CD247: variants seen among roughly 807,000 people sequenced by gnomAD.
The protein encoded by CD247 is CD247 molecule.
A neutral mutation model predicts 30.0 loss-of-function variants in CD247; 13 were observed. The ratio of observed to expected loss-of-function variants is 0.43; its 90% CI spans 0.28 to 0.69. CD247 has a LOEUF of 0.69. CD247 is among the 30% of genes least tolerant of loss of function. The pLI is 0.16. For missense variants in CD247, 193 were observed against 212.6 expected (o/e 0.91, Z 0.57); for synonymous variants, 72 against 80.0 (o/e 0.90, Z 0.53).
At chr1:167,454,603 A>G (rs1413181710) in intron 1 of CD247, among the ~76,000 whole-genome samples, 3 of 152,264 alleles carry the variant, frequency 2.0e-5, no homozygotes, top group African/African-American at 4.8e-5. Context: ...TATTTGGTGA[A>G]TATGGTTACA....
intron 5 of CD247, 36 bp downstream of exon 5, chr1:167,435,363 C>T (rs1651496724): frequency 6.4e-7 from 1 of 1,566,766 alleles, no homozygotes; most frequent in African/African-American, 1.4e-5. Context: ...CTTCCTCCAA[C>T]TTTCCAAGGT....
intron 1 of CD247, among the ~76,000 whole-genome samples, chr1:167,497,991 A>G (rs759855276): frequency 4.6e-5 from 7 of 152,130 alleles, no homozygotes; most frequent in Non-Finnish European, 8.8e-5. Context: ...TAGTTTACTG[A>G]GGGTCTAGAC....
In CD247 at chr1:167,494,795, G is replaced by A. The variant is rs1654613372; in HGVS notation, c.58+23613C>T. ...GTCTCATCAAAAACCAAGCATGAGAGGCAAGACAATTATTACCTCAGATCA... is the reference window on the plus strand; with the variant it reads ...GTCTCATCAAAAACCAAGCATGAGAAGCAAGACAATTATTACCTCAGATCA... On this transcript the variant is annotated intron_variant, in intron 1 of 7. Coordinates refer to ENST00000362089, the MANE Select transcript of CD247 (RefSeq NM_198053.3). This position sits in a 1 kb window ranked among gnomAD's most constrained non-coding sequence, Gnocchi z 7.3. Among the ~76,000 whole-genome samples, 1 of 152,150 alleles carries A rather than the reference G, an allele frequency of 6.6e-6. No individual in the cohort carries two copies. Among genetic ancestry groups the A allele is most frequent in the African/African-American group, 2.4e-5 (1 of 41,412 alleles).
At chr1:167,514,405 C>A (rs1396205915) in intron 1 of CD247, among the ~76,000 whole-genome samples, 1 of 152,162 alleles carries the variant, frequency 6.6e-6, no homozygotes, top group Non-Finnish European at 1.5e-5. Context: ...TCCCAGAGTG[C>A]ATTCAACAAT....
At position 167,439,852 on chromosome 1, in the gene CD247, C is replaced by A. The variant is rs149037803; in HGVS notation, c.163-452G>T. ...TACTGTACGTGCATCACTCGCCCAGCCCTCAGCCATCGCCCGGCTGCCCCG... is the reference window on the plus strand; with the variant it reads ...TACTGTACGTGCATCACTCGCCCAGACCTCAGCCATCGCCCGGCTGCCCCG... On this transcript the variant is annotated intron_variant, in intron 2 of 7. Coordinates refer to ENST00000362089, the MANE Select transcript of CD247 (RefSeq NM_198053.3). 5.2e-3 allele frequency: 912 copies of A among 175,766 alleles called. 5 individuals are homozygous for A. Among genetic ancestry groups the A allele is most frequent in the Non-Finnish European group, 7.4e-3 (604 of 81,958 alleles). The allele number at this position is 175,766 out of a possible 1,614,324, so 10.9% of individuals were successfully genotyped here.
chr1:167,518,370 T>C, intron 1 of CD247, 38 bp downstream of exon 1: 1 of 1,606,280 alleles, frequency 6.2e-7, no homozygotes, highest in East Asian at 2.2e-5. Flanking sequence ...ACACAAAGAG[T>C]TTCTAGAAGT....
chr1:167,448,189 G>A (rs1652183278), intron 1 of CD247, among the ~76,000 whole-genome samples: 1 of 152,212 alleles, frequency 6.6e-6, no homozygotes, highest in African/African-American at 2.4e-5. Flanking sequence ...ACACGTGTGA[G>A]TTTTCTCATT....
At position 167,518,407 on chromosome 1, in the gene CD247, C is replaced by T. The variant is rs1398543069; in HGVS notation, c.58+1G>A. 1 of 1,614,164 alleles carries T rather than the reference C, an allele frequency of 6.2e-7. No individual in the cohort carries two copies. The highest frequency in any genetic ancestry group is 1.1e-5 in the South Asian group (1 of 91,086). Reference sequence around the variant, plus strand: ...CCCTGCCGTCGACACGTCGGCCCTACCTGTAATCGGCAACTGTGCCTGCAG... The same window carrying T: ...CCCTGCCGTCGACACGTCGGCCCTATCTGTAATCGGCAACTGTGCCTGCAG... On this transcript the variant is annotated splice_donor_variant, in intron 1 of 7. Transcript: ENST00000362089. LOFTEE classifies it high-confidence loss of function.
At chr1:167,466,903 A>G (rs932454128) in intron 1 of CD247, among the ~76,000 whole-genome samples, 4 of 151,206 alleles carry the variant, frequency 2.6e-5, no homozygotes, top group Non-Finnish European at 4.4e-5. Context: ...GCAGTGGCGC[A>G]ATCTCAGCTC....
chr1:167,463,792 T>C (rs183890417), intron 1 of CD247, among the ~76,000 whole-genome samples: 2 of 152,282 alleles, frequency 1.3e-5, no homozygotes, highest in Non-Finnish European at 1.5e-5. Context: ...GTCAACCTAT[T>C]GCCTGAATTT....
At chr1:167,501,850 G>C (rs1433568614) in intron 1 of CD247, among the ~76,000 whole-genome samples, 1 of 152,238 alleles carries the variant, frequency 6.6e-6, no homozygotes, top group African/African-American at 2.4e-5. Flanking sequence ...GAGCCGAGAT[G>C]TCAGAGCTGG....
chr1:167,449,144 C>CTTTTCTTTTTTCTTTTTCTTT (rs1553229948), intron 1 of CD247, among the ~76,000 whole-genome samples: 9 of 37,956 alleles, frequency 2.4e-4, no homozygotes, highest in African/African-American at 8.8e-4. Flanking sequence ...GATCATTTTT[C>CTTTTCTTTTTTCTTTTTCTTT]TTTTCTTTTT....
intron 1 of CD247, among the ~76,000 whole-genome samples, chr1:167,506,702 C>T (rs1655153272): frequency 6.6e-6 from 1 of 152,048 alleles, no homozygotes; most frequent in Admixed American, 6.6e-5. Flanking sequence ...AGTAGCTACA[C>T]TTTACATGAG....
At chr1:167,479,007 A>G (rs563928764) in intron 1 of CD247, among the ~76,000 whole-genome samples, 51 of 152,260 alleles carry the variant, frequency 3.3e-4, no homozygotes, top group Non-Finnish European at 6.3e-4. Flanking sequence ...TTACTTCATA[A>G]TGGAAAAACA....
At chr1:167,463,760 A>G (rs1370532861) in intron 1 of CD247, among the ~76,000 whole-genome samples, 1 of 152,200 alleles carries the variant, frequency 6.6e-6, no homozygotes, top group Non-Finnish European at 1.5e-5. Flanking sequence ...TCATTTTCTA[A>G]AACTATTCAA....
chr1:167,501,611 T>C (rs1289645120), intron 1 of CD247, among the ~76,000 whole-genome samples: 1 of 152,250 alleles, frequency 6.6e-6, no homozygotes, highest in Non-Finnish European at 1.5e-5. Context: ...GGTCAATTCC[T>C]AGTGTCTCTT....
chr1:167,479,274 T>A (rs1317101012), intron 1 of CD247, among the ~76,000 whole-genome samples: 1 of 152,262 alleles, frequency 6.6e-6, no homozygotes, highest in Non-Finnish European at 1.5e-5. Flanking sequence ...GTTTCTGTAT[T>A]CTTTTCTGTA....
At position 167,495,736 on chromosome 1, in the gene CD247, T is replaced by G. The variant is rs527929430; in HGVS notation, c.58+22672A>C. Among the ~76,000 whole-genome samples the G allele has an allele frequency of 4.1e-4, 62 of 152,098 alleles. 1 individual carries two copies. Among genetic ancestry groups the G allele is most frequent in the Non-Finnish European group, 6.8e-4 (46 of 68,018 alleles). ...TGGCCTTCCCCTCACTCATACCACC[T>G]CTTTGCAGTTCCAGGAACATGCCAG... On this transcript the variant is annotated intron_variant, in intron 1 of 7. Coordinates refer to ENST00000362089, the MANE Select transcript of CD247 (RefSeq NM_198053.3).
rs576367799 is a variant in CD247 at position 167,437,853 on chromosome 1, A to G, written c.300+717T>C. 4.6e-5 allele frequency among the ~76,000 whole-genome samples: 7 copies of G among 152,318 alleles called. No individual in the cohort carries two copies. The South Asian group carries it at 1.5e-3, about 32-fold the overall frequency. ...TACTATACATTTTAATATCTCTAAGAGTAAGTTGCTAATGTTCTCATCACA... is the reference window on the plus strand; with the variant it reads ...TACTATACATTTTAATATCTCTAAGGGTAAGTTGCTAATGTTCTCATCACA... On this transcript the variant is annotated intron_variant, in intron 4 of 7. Coordinates refer to ENST00000362089, the MANE Select transcript of CD247 (RefSeq NM_198053.3).
Sources: allele counts gnomAD v4.1 joint callset (sites outside exome capture counted in the v4.1 genomes callset), GRCh38; gene constraint gnomAD v4.1.1; non-coding constraint Gnocchi (gnomAD v3.1); transcripts MANE v1.5; gene names NCBI Gene and HGNC (gene_info 2026-07-23, HGNC 2026-07-21).